CARMIL1: variants seen among roughly 807,000 people sequenced by gnomAD.
The protein encoded by CARMIL1 is capping protein regulator and myosin 1 linker 1.
In CARMIL1, 90 loss-of-function variants were observed where a neutral mutation model predicts 177.1. The ratio of observed to expected loss-of-function variants is 0.51; its 90% CI spans 0.43 to 0.61. The LOEUF (loss-of-function observed/expected upper bound fraction) is 0.61, where lower values mean the gene tolerates loss of function less well. CARMIL1 is among the 20% of genes least tolerant of loss of function. CARMIL1 has a pLI of 0.00. For missense variants in CARMIL1, 1,380 were observed against 1,667.0 expected, an observed-to-expected ratio of 0.83 and a Z score of 3.00; for synonymous variants, 577 against 606.2, an observed-to-expected ratio of 0.95 and a Z score of 0.71.
Position 25,449,936 on chromosome 6 carries a change from G to C in CARMIL1, c.410G>C (p.Arg137Pro). Residue 137 changes from arginine (R) to proline (P), a missense_variant, in exon 6 of 37, where the codon CGC (arginine) becomes CCC (proline). Transcript: ENST00000329474. The stretch of plus-strand genomic sequence containing the variant: ...AAAGTCTCCATGGAGCCATCTGAGC[G>C]CCTGGCTAGTCTCCAGGCGCTGTGG... ...MKKVSMEPSERLASLQALWDS... is the reference protein window; with the variant it reads ...MKKVSMEPSEPLASLQALWDS... 1.2e-6 allele frequency: 2 copies of C among 1,611,648 alleles called. No individual in the cohort carries two copies. The highest frequency in any genetic ancestry group is 1.7e-6 in the Non-Finnish European group (2 of 1,178,470).
intron 35 of CARMIL1, among the ~76,000 whole-genome samples, chr6:25,607,996 G>A (rs1816145469): frequency 6.6e-6 from 1 of 152,216 alleles, no homozygotes; most frequent in African/African-American, 2.4e-5. Flanking sequence ...TTTTCATGTA[G>A]AAGGAGTGGA....
chr6:25,482,910 C>A (rs965745224), intron 12 of CARMIL1, among the ~76,000 whole-genome samples: 6 of 152,118 alleles, frequency 3.9e-5, no homozygotes, highest in Non-Finnish European at 8.8e-5. Context: ...AGAAATTATC[C>A]TGCATTCTTT....
At chr6:25,551,153 G>C in intron 27 of CARMIL1, 68 bp downstream of exon 27, 1 of 1,272,122 alleles carries the variant, frequency 7.9e-7, no homozygotes. Flanking sequence ...CAGCTGTAAA[G>C]AGGGTTATTG....
At chr6:25,614,753 T>C (rs1816763778) in intron 36 of CARMIL1, among the ~76,000 whole-genome samples, 1 of 152,196 alleles carries the variant, frequency 6.6e-6, no homozygotes, top group Non-Finnish European at 1.5e-5. Flanking sequence ...AAAGAGACGC[T>C]CCCTGCTACC....
chr6:25,303,449 T>C (rs1385880567), intron 2 of CARMIL1, among the ~76,000 whole-genome samples: 1 of 152,202 alleles, frequency 6.6e-6, no homozygotes, highest in African/African-American at 2.4e-5. Context: ...ATAGGTGTGC[T>C]GGGTGAGAAG....
chr6:25,364,943 C>T (rs1789617480), intron 2 of CARMIL1, among the ~76,000 whole-genome samples: 1 of 152,210 alleles, frequency 6.6e-6, no homozygotes, highest in Admixed American at 6.5e-5. Context: ...CCAAGCATCC[C>T]TGATTCTCAG....
chr6:25,405,726 G>A (rs1268859062), intron 2 of CARMIL1, among the ~76,000 whole-genome samples: 1 of 152,200 alleles, frequency 6.6e-6, no homozygotes, highest in African/African-American at 2.4e-5. Context: ...CCTTTTGGCA[G>A]GTGAGTTGGG....
intron 32 of CARMIL1, among the ~76,000 whole-genome samples, chr6:25,595,890 T>C (rs1467826091): frequency 2.6e-5 from 4 of 152,230 alleles, no homozygotes; most frequent in African/African-American, 9.7e-5. Flanking sequence ...TATTTTGTTA[T>C]AGCTTCAATG....
intron 32 of CARMIL1, among the ~76,000 whole-genome samples, chr6:25,597,479 C>T (rs751274235): frequency 1.3e-5 from 2 of 152,034 alleles, no homozygotes; most frequent in Non-Finnish European, 2.9e-5. Context: ...AATTATTGTC[C>T]CCTTTTTCAT....
intron 16 of CARMIL1, among the ~76,000 whole-genome samples, chr6:25,496,197 G>A (rs1803683870): frequency 6.6e-6 from 1 of 152,212 alleles, no homozygotes; most frequent in African/African-American, 2.4e-5. Context: ...GTAGATCCAG[G>A]CTGGGTGCGG....
At chr6:25,382,655 G>T (rs992520041) in intron 2 of CARMIL1, among the ~76,000 whole-genome samples, 2 of 152,066 alleles carry the variant, frequency 1.3e-5, no homozygotes, top group African/African-American at 4.8e-5. Flanking sequence ...GCTGATTGGT[G>T]CGTTTTTACA....
chr6:25,483,180 T>C (rs1802287146), intron 12 of CARMIL1, among the ~76,000 whole-genome samples: 1 of 152,214 alleles, frequency 6.6e-6, no homozygotes, highest in Non-Finnish European at 1.5e-5. Context: ...TGCTTCTCTC[T>C]ATTTATCTGC....
At position 25,449,926 on chromosome 6, in the gene CARMIL1, C is replaced by A. The variant is rs769482509; in HGVS notation, c.400C>A (p.Pro134Thr). 13 of 1,610,418 alleles carry A rather than the reference C, an allele frequency of 8.1e-6. No homozygotes were observed. The highest frequency in any genetic ancestry group is 8.5e-7 in the Non-Finnish European group (1 of 1,177,780). ...VRIMKKVSME[P>T]SERLASLQAL... ...AATCATGAAAAAAGTCTCCATGGAG[C>A]CATCTGAGCGCCTGGCTAGTCTCCA... Residue 134 changes from proline (P) to threonine (T), a missense_variant, in exon 6 of 37, where the codon CCA becomes ACA. Physicochemically the swap from Pro to Thr is conservative, Grantham distance 38 (BLOSUM62 -1). Coordinates refer to ENST00000329474, the MANE Select transcript of CARMIL1 (RefSeq NM_017640.6).
chr6:25,546,034 C>G (rs1809423948), intron 26 of CARMIL1, among the ~76,000 whole-genome samples: 1 of 152,092 alleles, frequency 6.6e-6, no homozygotes, highest in Non-Finnish European at 1.5e-5. Context: ...TCAGGTGTTT[C>G]AGAGAGGGGT....
intron 31 of CARMIL1, among the ~76,000 whole-genome samples, chr6:25,582,888 G>A (rs571164421): frequency 1.3e-5 from 2 of 152,288 alleles, no homozygotes; most frequent in East Asian, 1.9e-4. Context: ...CCTAGAGTAT[G>A]CCAACCCTGT....
intron 2 of CARMIL1, among the ~76,000 whole-genome samples, chr6:25,368,822 T>G (rs1191839218): frequency 6.6e-6 from 1 of 152,244 alleles, no homozygotes; most frequent in Non-Finnish European, 1.5e-5. Context: ...TGTATATTCT[T>G]CCTTGTCCCA....
intron 4 of CARMIL1, 59 bp from the exon 5 acceptor site, chr6:25,435,424 T>G: frequency 6.6e-7 from 1 of 1,510,032 alleles, no homozygotes; most frequent in Non-Finnish European, 8.9e-7. Flanking sequence ...ATATTTAAAA[T>G]AATTAAAAAC....
chr6:25,460,624 G>A (rs1400783739), intron 8 of CARMIL1, among the ~76,000 whole-genome samples: 1 of 152,158 alleles, frequency 6.6e-6, no homozygotes. Context: ...TTGCAGCCAG[G>A]CTGAGAGGTA....
chr6:25,457,331 A>G (rs1288800396), intron 8 of CARMIL1, among the ~76,000 whole-genome samples: 1 of 152,154 alleles, frequency 6.6e-6, no homozygotes, highest in Non-Finnish European at 1.5e-5. Context: ...GATATGCAAA[A>G]TTCTTTGCTG....
Sources: allele counts gnomAD v4.1 joint callset (sites outside exome capture counted in the v4.1 genomes callset), GRCh38; gene constraint gnomAD v4.1.1; transcripts MANE v1.5; gene names NCBI Gene and HGNC (gene_info 2026-07-23, HGNC 2026-07-21).